Variants in DCAF8L2 observed in about 807,000 individuals in gnomAD.
The protein encoded by DCAF8L2 is DDB1 and CUL4 associated factor 8 like 2, also known as DDB1- and CUL4-associated factor 8-like protein 2.
For missense variants in DCAF8L2, 430 were observed against 490.7 expected, an observed-to-expected ratio of 0.88 and a Z score of 1.17; for synonymous variants, 200 against 190.9, an observed-to-expected ratio of 1.05 and a Z score of -0.39.
At chrX:27,740,974 A>G (rs1252541618) in intron 4 of DCAF8L2, among the ~76,000 whole-genome samples, 2 of 111,936 alleles carry the variant, frequency 1.8e-5, no homozygotes, top group African/African-American at 6.5e-5. Flanking sequence ...CCGTATTATC[A>G]GTACCTAGAC....
chrX:27,641,449 T>C (rs1928713983), intron 2 of DCAF8L2, among the ~76,000 whole-genome samples: 1 of 79,104 alleles, frequency 1.3e-5, no homozygotes, highest in African/African-American at 4.3e-5. Context: ...TTTTCTTTTC[T>C]TTTCTTTCCT....
the DCAF8L2 span, among the ~76,000 whole-genome samples, chrX:27,533,160 GAGAGAGAAAGAAAGAAAGAAAGAA>G: frequency 0.01 from 422 of 41,537 alleles, 19 homozygotes; most frequent in South Asian, 0.037. Flanking sequence ...GAGAGAGAGA[GAGAGAGAAAGAAAGAAAGAAAGAA>G]AGAAAGAAAG....
chrX:27,709,053 G>A (rs1490664008), intron 3 of DCAF8L2, among the ~76,000 whole-genome samples: 3 of 112,185 alleles, frequency 2.7e-5, no homozygotes, highest in African/African-American at 9.7e-5. Context: ...CCGAATAGCT[G>A]GGATTACAGG....
the DCAF8L2 span, among the ~76,000 whole-genome samples, chrX:27,494,337 C>A: frequency 9.0e-6 from 1 of 111,081 alleles, no homozygotes; most frequent in Non-Finnish European, 1.9e-5. Flanking sequence ...ACCTGAGAGG[C>A]AGAGGTTGCG....
intron 2 of DCAF8L2, among the ~76,000 whole-genome samples, chrX:27,670,492 T>C (rs1233526214): frequency 1.8e-5 from 2 of 111,588 alleles, no homozygotes; most frequent in Non-Finnish European, 3.8e-5. Context: ...TGCAGGCTCT[T>C]TTGAGCTTAC....
At chrX:27,609,852 T>C (rs971311581) in intron 1 of DCAF8L2, among the ~76,000 whole-genome samples, 1 of 111,802 alleles carries the variant, frequency 8.9e-6, no homozygotes, top group African/African-American at 3.2e-5. Flanking sequence ...TGTCTGATAG[T>C]AGATTGCTGT....
At chrX:27,639,620 T>C (rs1928628199) in intron 2 of DCAF8L2, among the ~76,000 whole-genome samples, 1 of 111,885 alleles carries the variant, frequency 8.9e-6, no homozygotes, top group Non-Finnish European at 1.9e-5. Context: ...ATAGTAGCTT[T>C]GGTATCAAGC....
chrX:27,581,903 ATT>A, the DCAF8L2 span, among the ~76,000 whole-genome samples: 2 of 112,315 alleles, frequency 1.8e-5, no homozygotes, highest in African/African-American at 6.5e-5. Context: ...ACACTTTTAA[ATT>A]TAATATTTGA....
chrX:27,496,307 T>C, the DCAF8L2 span, among the ~76,000 whole-genome samples: 1 of 112,040 alleles, frequency 8.9e-6, no homozygotes, highest in Non-Finnish European at 1.9e-5. Flanking sequence ...TCATGATTTT[T>C]TGGTAAATAC....
chrX:27,548,289 A>G, the DCAF8L2 span, among the ~76,000 whole-genome samples: 2 of 111,418 alleles, frequency 1.8e-5, no homozygotes, highest in Non-Finnish European at 1.9e-5. Context: ...AATGATTGTA[A>G]TAAAGAGTTT....
At chrX:27,497,935 G>C in the DCAF8L2 span, among the ~76,000 whole-genome samples, 2 of 112,095 alleles carry the variant, frequency 1.8e-5, no homozygotes, top group African/African-American at 6.5e-5. Context: ...TTTTGTGACT[G>C]GTTTATTTCA....
At chrX:27,575,943 T>G in the DCAF8L2 span, among the ~76,000 whole-genome samples, 1 of 111,813 alleles carries the variant, frequency 8.9e-6, no homozygotes, top group African/African-American at 3.3e-5. Context: ...CTTAATATTA[T>G]CCATTCTGAT....
At chrX:27,641,942 G>A (rs191455449) in intron 2 of DCAF8L2, among the ~76,000 whole-genome samples, 1 of 109,141 alleles carries the variant, frequency 9.2e-6, no homozygotes, top group East Asian at 2.9e-4. Context: ...GTGCTGGAGT[G>A]CAGTAGGACA....
intron 1 of DCAF8L2, among the ~76,000 whole-genome samples, chrX:27,627,620 G>A (rs1361886119): frequency 9.3e-6 from 1 of 107,421 alleles, no homozygotes; most frequent in Non-Finnish European, 1.9e-5. Flanking sequence ...TATGGGCCGG[G>A]CACAGTGTCT....
At chrX:27,657,170 A>C (rs938964796) in intron 2 of DCAF8L2, among the ~76,000 whole-genome samples, 2 of 111,265 alleles carry the variant, frequency 1.8e-5, no homozygotes, top group Non-Finnish European at 3.8e-5. Context: ...TTAATACTTA[A>C]TAACCTCCCC....
At chrX:27,591,016 A>ATATATATATATATATATATATATATAT (rs1569153314) in intron 1 of DCAF8L2, among the ~76,000 whole-genome samples, 1 of 44,756 alleles carries the variant, frequency 2.2e-5, no homozygotes, top group Non-Finnish European at 5.9e-5. Context: ...TATATATATA[A>ATATATATATATATATATATATATATAT]ATAAATAATT....
At chrX:27,507,655 C>T in the DCAF8L2 span, among the ~76,000 whole-genome samples, 1 of 111,649 alleles carries the variant, frequency 9.0e-6, no homozygotes, top group Non-Finnish European at 1.9e-5. Context: ...ATATCCACTT[C>T]TTTCATCTGT....
the DCAF8L2 span, among the ~76,000 whole-genome samples, chrX:27,527,251 C>T: frequency 4.1e-3 from 462 of 112,108 alleles, 1 homozygote; most frequent in African/African-American, 0.014. Flanking sequence ...AGCCTCGCTG[C>T]CACCTTGCAG....
At chrX:27,552,001 A>AT in the DCAF8L2 span, among the ~76,000 whole-genome samples, 2 of 110,695 alleles carry the variant, frequency 1.8e-5, no homozygotes, top group Non-Finnish European at 3.8e-5. Flanking sequence ...TGTTTGTTAT[A>AT]TTTTTTTTCT....
Sources: gnomAD v4.1 joint callset for allele counts (sites outside exome capture counted in the v4.1 genomes callset) on GRCh38, gnomAD v4.1.1 for gene constraint, MANE v1.5 for transcripts, NCBI Gene and HGNC (gene_info 2026-07-23, HGNC 2026-07-21) for gene names.